ABLIM1: variants seen among roughly 807,000 people sequenced by gnomAD.
The protein encoded by ABLIM1 is actin-binding LIM protein 1.
A neutral mutation model predicts 107.0 loss-of-function variants in ABLIM1; 40 were observed. That is an observed-to-expected ratio of 0.37 (90% CI 0.29 to 0.49). The LOEUF (loss-of-function observed/expected upper bound fraction) is 0.49, where lower values mean the gene tolerates loss of function less well. Among genes scored for constraint, ABLIM1 ranks in the 20% least tolerant of loss-of-function variants. ABLIM1 has a pLI of 0.97. For synonymous variants in ABLIM1, 357 were observed against 357.3 expected, an observed-to-expected ratio of 1.00 and a Z score of 0.01; for missense variants, 857 against 1,008.5, an observed-to-expected ratio of 0.85 and a Z score of 2.04.
chr10:114,649,002 A>G (rs1264269205), intron 1 of ABLIM1, among the ~76,000 whole-genome samples: 1 of 152,138 alleles, frequency 6.6e-6, no homozygotes, highest in Non-Finnish European at 1.5e-5. Flanking sequence ...AAACAGGGAG[A>G]GAGGAGAGCT....
chr10:114,620,291 C>T (rs550705381), intron 1 of ABLIM1, among the ~76,000 whole-genome samples: 35 of 152,160 alleles, frequency 2.3e-4, no homozygotes, highest in Non-Finnish European at 4.6e-4. Flanking sequence ...CTGGGTCTTG[C>T]TGTGTAAAAG....
intron 1 of ABLIM1, among the ~76,000 whole-genome samples, chr10:114,728,158 T>C (rs2081998151): frequency 6.6e-6 from 1 of 152,170 alleles, no homozygotes; most frequent in Non-Finnish European, 1.5e-5. Flanking sequence ...TTCAGACTCA[T>C]TAGTAATCAG....
chr10:114,578,081 T>C (rs1231789468), intron 2 of ABLIM1, among the ~76,000 whole-genome samples: 3 of 152,080 alleles, frequency 2.0e-5, no homozygotes, highest in African/African-American at 4.8e-5. Flanking sequence ...TGCCATCTCC[T>C]CCCTCTATGA....
chr10:114,663,218 C>T (rs2079869081), upstream of ABLIM1, among the ~76,000 whole-genome samples: 1 of 152,222 alleles, frequency 6.6e-6, no homozygotes, highest in Non-Finnish European at 1.5e-5. Flanking sequence ...AACATTACCT[C>T]CTCCATACAG....
chr10:114,693,604 T>C (rs1021735625), intron 1 of ABLIM1, among the ~76,000 whole-genome samples: 2 of 152,188 alleles, frequency 1.3e-5, no homozygotes, highest in Non-Finnish European at 2.9e-5. Flanking sequence ...TAGGGTGTTG[T>C]TGCTGATATA....
intron 6 of ABLIM1, among the ~76,000 whole-genome samples, chr10:114,535,984 C>A (rs1304387410): frequency 6.6e-6 from 1 of 152,040 alleles, no homozygotes; most frequent in Non-Finnish European, 1.5e-5. Context: ...CCTGCATATA[C>A]TGAGGGATGA....
intron 4 of ABLIM1, among the ~76,000 whole-genome samples, chr10:114,549,167 C>A (rs2067730208): frequency 6.6e-6 from 1 of 152,126 alleles, no homozygotes; most frequent in Non-Finnish European, 1.5e-5. Flanking sequence ...GATGGATCAC[C>A]TGAGGTCATG....
chr10:114,491,923 G>T (rs766810648), intron 6 of ABLIM1, 45 bp from the exon 7 acceptor site: 1 of 1,449,556 alleles, frequency 6.9e-7, no homozygotes, highest in Admixed American at 1.7e-5. Context: ...TCCTTGTCAT[G>T]GATTCCAGAA....
intron 5 of ABLIM1, among the ~76,000 whole-genome samples, chr10:114,546,493 C>T (rs2067361633): frequency 6.6e-6 from 1 of 151,940 alleles, no homozygotes; most frequent in African/African-American, 2.4e-5. Flanking sequence ...TGAGGTTTCA[C>T]CATATTGGCC....
upstream of ABLIM1, among the ~76,000 whole-genome samples, chr10:114,686,787 C>T (rs867844403): frequency 6.6e-6 from 1 of 151,768 alleles, no homozygotes; most frequent in African/African-American, 2.4e-5. Context: ...TGCCACCATG[C>T]CCGGCTATTT....
intron 1 of ABLIM1, chr10:114,615,485 C>A (rs904353476): frequency 4.5e-6 from 2 of 442,324 alleles, no homozygotes; most frequent in Non-Finnish European, 9.3e-6. Flanking sequence ...AGTTTCCTCT[C>A]TTTATATTTA....
At chr10:114,601,771 C>CA (rs1297953539) in intron 2 of ABLIM1, 56 bp downstream of exon 2, 1 of 1,613,406 alleles carries the variant, frequency 6.2e-7, no homozygotes, top group Non-Finnish European at 8.5e-7. Flanking sequence ...GGGCTGGACC[C>CA]AAGGCAAGCC....
chr10:114,736,829 C>T (rs370078459), intron 1 of ABLIM1, among the ~76,000 whole-genome samples: 74 of 152,146 alleles, frequency 4.9e-4, no homozygotes, highest in African/African-American at 1.8e-3. Flanking sequence ...ATCTGTGGGG[C>T]GGTGGCAGTT....
At chr10:114,708,427 T>C (rs532634542) in intron 1 of ABLIM1, among the ~76,000 whole-genome samples, 6 of 152,096 alleles carry the variant, frequency 3.9e-5, no homozygotes, top group African/African-American at 7.2e-5. Context: ...GCAAGGAGCA[T>C]GGAGGAAGGG....
intron 1 of ABLIM1, among the ~76,000 whole-genome samples, chr10:114,607,624 T>G (rs184720423): frequency 3.9e-5 from 6 of 152,348 alleles, no homozygotes; most frequent in African/African-American, 1.2e-4. Flanking sequence ...ATGGGCACTT[T>G]GCCTCTGTGG....
chr10:114,453,527 G>A, intron 12 of ABLIM1, 44 bp from the exon 13 acceptor site: 1 of 1,402,880 alleles, frequency 7.1e-7, no homozygotes. Flanking sequence ...AGAAGGGAGA[G>A]AGAAACAAAG....
chr10:114,565,784 A>ATTTCT (rs2070601482), intron 4 of ABLIM1, among the ~76,000 whole-genome samples: 4 of 74,576 alleles, frequency 5.4e-5, no homozygotes, highest in Non-Finnish European at 1.1e-4. Context: ...ATCTGAAATG[A>ATTTCT]TTTCTTTTTT....
intron 1 of ABLIM1, among the ~76,000 whole-genome samples, chr10:114,718,070 A>G (rs151099304): frequency 0.032 from 1,729 of 53,840 alleles, 99 homozygotes; most frequent in African/African-American, 0.055. Context: ...AGAAAGGAAG[A>G]AAGGAAGGAA....
chr10:114,510,248 G>T (rs1304088190), intron 6 of ABLIM1, among the ~76,000 whole-genome samples: 2 of 152,128 alleles, frequency 1.3e-5, no homozygotes, highest in Non-Finnish European at 2.9e-5. Flanking sequence ...AAGTATAGTT[G>T]CCTGGGGCCC....
Sources: allele counts gnomAD v4.1 joint callset (sites outside exome capture counted in the v4.1 genomes callset), GRCh38; gene constraint gnomAD v4.1.1; transcripts MANE v1.5; gene names NCBI Gene and HGNC (gene_info 2026-07-23, HGNC 2026-07-21).